Variants in CCSER1 observed in about 807,000 individuals in gnomAD.
The protein encoded by CCSER1 is serine-rich coiled-coil domain-containing protein 1.
Under a neutral mutation model 82.0 loss-of-function variants are expected in CCSER1, and 41 were observed. The observed-to-expected ratio is 0.50, with a 90% confidence interval of 0.39 to 0.65. The LOEUF (loss-of-function observed/expected upper bound fraction) is 0.65, where lower values mean the gene tolerates loss of function less well. Ranked by LOEUF, CCSER1 falls within the 30% of genes least tolerant of loss-of-function variation. The probability of loss-of-function intolerance (pLI) is 0.00; values close to 1 mark genes in which losing one functional copy is unlikely to be tolerated. For missense variants in CCSER1, 1,119 were observed against 1,064.2 expected (o/e 1.05, Z -0.72); for synonymous variants, 414 against 383.9 (o/e 1.08, Z -0.92).
intron 5 of CCSER1, among the ~76,000 whole-genome samples, chr4:90,621,231 GT>G (rs1006272664): frequency 2.9e-4 from 44 of 151,844 alleles, no homozygotes; most frequent in Non-Finnish European, 5.7e-4. Flanking sequence ...ATTTTTCTGT[GT>G]TTTTTTTCTT....
At chr4:90,559,938 C>T (rs1003483185) in intron 5 of CCSER1, among the ~76,000 whole-genome samples, 1 of 147,838 alleles carries the variant, frequency 6.8e-6, no homozygotes, top group Admixed American at 6.8e-5. Context: ...GGTGAAAGAG[C>T]AAGAACCTTT....
At chr4:91,003,792 C>T (rs991780885) in intron 9 of CCSER1, among the ~76,000 whole-genome samples, 3 of 152,180 alleles carry the variant, frequency 2.0e-5, no homozygotes, top group Non-Finnish European at 2.9e-5. Context: ...AATTTCCTTC[C>T]TTCTGTGGCC....
At chr4:90,296,716 C>G (rs556844868) in intron 1 of CCSER1, among the ~76,000 whole-genome samples, 6 of 152,104 alleles carry the variant, frequency 3.9e-5, no homozygotes, top group Admixed American at 6.6e-5. Context: ...CATATGGCTA[C>G]CCAGTTTCCC....
intron 7 of CCSER1, among the ~76,000 whole-genome samples, chr4:90,801,877 C>A (rs1756868439): frequency 6.6e-6 from 1 of 152,222 alleles, no homozygotes; most frequent in African/African-American, 2.4e-5. Context: ...TTAGAATATA[C>A]AATCTATGCT....
At chr4:91,258,415 C>T (rs1397113563) in intron 10 of CCSER1, among the ~76,000 whole-genome samples, 2 of 151,982 alleles carry the variant, frequency 1.3e-5, no homozygotes, top group African/African-American at 4.8e-5. Flanking sequence ...ATATCTTTCC[C>T]AAAGCTATGC....
At chr4:91,252,887 A>G (rs371013250) in intron 10 of CCSER1, among the ~76,000 whole-genome samples, 1 of 152,214 alleles carries the variant, frequency 6.6e-6, no homozygotes, top group South Asian at 2.1e-4. Flanking sequence ...ATGAGGGACA[A>G]GTAAGCATAA....
At chr4:91,018,054 T>C (rs959208684) in intron 9 of CCSER1, among the ~76,000 whole-genome samples, 1 of 152,098 alleles carries the variant, frequency 6.6e-6, no homozygotes, top group Non-Finnish European at 1.5e-5. Flanking sequence ...ATTTAGAAAG[T>C]CTCCAGTATA....
chr4:90,564,926 C>T (rs890508171), intron 5 of CCSER1, among the ~76,000 whole-genome samples: 1 of 151,982 alleles, frequency 6.6e-6, no homozygotes, highest in Non-Finnish European at 1.5e-5. Flanking sequence ...CTTACTATAG[C>T]TTTTTAGAAT....
At chr4:90,530,992 C>G (rs1304388169) in intron 5 of CCSER1, among the ~76,000 whole-genome samples, 1 of 152,092 alleles carries the variant, frequency 6.6e-6, no homozygotes, top group Non-Finnish European at 1.5e-5. Context: ...AAATGATTGT[C>G]CTTAAAAACA....
At chr4:90,883,975 A>G (rs557948175) in intron 8 of CCSER1, among the ~76,000 whole-genome samples, 2 of 152,320 alleles carry the variant, frequency 1.3e-5, no homozygotes, top group East Asian at 3.9e-4. Context: ...CCTCTAATAT[A>G]AGGTAACTGA....
At chr4:90,949,210 AAG>A (rs2150349644) in intron 9 of CCSER1, among the ~76,000 whole-genome samples, 1 of 152,164 alleles carries the variant, frequency 6.6e-6, no homozygotes, top group Non-Finnish European at 1.5e-5. Flanking sequence ...TTGTATGAAA[AAG>A]ACACATTTGA....
chr4:90,251,768 A>G (rs1722425126), intron 1 of CCSER1, among the ~76,000 whole-genome samples: 1 of 151,738 alleles, frequency 6.6e-6, no homozygotes. Context: ...CTTCTAAGTT[A>G]TGATCTGTTG....
chr4:91,588,342 C>T (rs1055997084), intron 10 of CCSER1, among the ~76,000 whole-genome samples: 3 of 151,470 alleles, frequency 2.0e-5, no homozygotes, highest in African/African-American at 7.3e-5. Flanking sequence ...AAGTGGTTGG[C>T]TATTTGAAAA....
chr4:90,406,638 CG>C (rs1362633378), intron 4 of CCSER1, among the ~76,000 whole-genome samples: 7 of 152,010 alleles, frequency 4.6e-5, no homozygotes, highest in Admixed American at 1.3e-4. Context: ...TTAAGGAAAT[CG>C]AAATTATATC....
chr4:91,350,867 A>C (rs1158718129), intron 10 of CCSER1, among the ~76,000 whole-genome samples: 2 of 152,026 alleles, frequency 1.3e-5, no homozygotes, highest in African/African-American at 4.8e-5. Flanking sequence ...AACATCAAAA[A>C]ATTTACTTTG....
intron 10 of CCSER1, among the ~76,000 whole-genome samples, chr4:91,276,334 A>T: frequency 6.9e-6 from 1 of 144,150 alleles, no homozygotes. Context: ...TTTCATCAGA[A>T]TTTTGTAGTT....
chr4:90,576,667 G>A (rs1275225024), intron 5 of CCSER1, among the ~76,000 whole-genome samples: 2 of 151,948 alleles, frequency 1.3e-5, no homozygotes, highest in East Asian at 3.9e-4. Context: ...ATGTATTTAA[G>A]TCTCCTCCAT....
chr4:91,520,189 G>T (rs1412413268), intron 10 of CCSER1, among the ~76,000 whole-genome samples: 10 of 150,984 alleles, frequency 6.6e-5, no homozygotes, highest in Middle Eastern at 3.2e-3. Flanking sequence ...ATGGATATAT[G>T]TTTTTGAGTT....
At chr4:90,571,660 G>A (rs191919710) in intron 5 of CCSER1, among the ~76,000 whole-genome samples, 1 of 152,164 alleles carries the variant, frequency 6.6e-6, no homozygotes, top group Admixed American at 6.5e-5. Context: ...TCACTGTCTT[G>A]GTGACAGGAT....
Sources: gnomAD v4.1 joint callset for allele counts (sites outside exome capture counted in the v4.1 genomes callset) on GRCh38, gnomAD v4.1.1 for gene constraint, MANE v1.5 for transcripts, NCBI Gene and HGNC (gene_info 2026-07-23, HGNC 2026-07-21) for gene names.